Variants in ALKBH1 observed in about 807,000 individuals in gnomAD.
ALKBH1 encodes nucleic acid dioxygenase ALKBH1.
In ALKBH1, 31 loss-of-function variants were observed where a neutral mutation model predicts 36.6. The observed-to-expected ratio is 0.85, with a 90% CI of 0.64 to 1.14. The LOEUF is 1.14. ALKBH1 is among the 50% of genes most tolerant of loss of function. The pLI, the probability that ALKBH1 is intolerant of heterozygous loss-of-function variation, is 0.00. For missense variants in ALKBH1, 490 were observed against 497.3 expected (o/e 0.99, Z 0.14); for synonymous variants, 183 against 186.6 (o/e 0.98, Z 0.16).
chr14:77,704,328 G>T, intron 2 of ALKBH1, 41 bp downstream of exon 2: 1 of 1,373,000 alleles, frequency 7.3e-7, no homozygotes, highest in South Asian at 1.2e-5. Flanking sequence ...AGACATAAAT[G>T]ATTGAGTGAT....
chr14:77,704,255 T>G, intron 2 of ALKBH1, 114 bp downstream of exon 2: 1 of 779,294 alleles, frequency 1.3e-6, no homozygotes, highest in South Asian at 1.6e-5. Context: ...CATTTATCTG[T>G]TTATTATGTG....
chr14:77,696,952 T>C (rs1015580246), intron 2 of ALKBH1: 11 of 153,912 alleles, frequency 7.1e-5, no homozygotes, highest in South Asian at 3.8e-4. Flanking sequence ...GCATGACCCC[T>C]GGGTTCCAGG....
chr14:77,684,107 T>C (rs2080254385), intron 3 of ALKBH1: 1 of 152,264 alleles, frequency 6.6e-6, no homozygotes, highest in South Asian at 2.1e-4. Flanking sequence ...TTGCCGAGTG[T>C]TTCTCAAACT....
At chr14:77,675,993 C>A in intron 4 of ALKBH1, 144 bp from the exon 5 acceptor site, 15 of 685,002 alleles carry the variant, frequency 2.2e-5, no homozygotes, top group Non-Finnish European at 3.0e-5. Flanking sequence ...CCATTCTTTT[C>A]TTTTCTTTTT....
At chr14:77,683,488 ACT>A in intron 3 of ALKBH1, 1 of 705,284 alleles carries the variant, frequency 1.4e-6, no homozygotes, top group Non-Finnish European at 2.6e-6. Flanking sequence ...AACACTGTAG[ACT>A]CTTCCAGTTT....
At position 77,706,104 on chromosome 14, in the gene ALKBH1, C is replaced by CATATAT. The variant is rs72210300; in HGVS notation, c.184-1628_184-1627insATATAT. Among the ~76,000 whole-genome samples, 624 of 147,502 alleles carry CATATAT rather than the reference C, an allele frequency of 4.2e-3. 1 individual carries two copies. The highest frequency in any genetic ancestry group is 0.029 in the East Asian group (147 of 5,086). ...ATATACACACACATATATACACACA[C>CATATAT]ACATATATATATATATGAAACATTC... On this transcript the variant is annotated intron_variant, in intron 1 of 5. Transcript: ENST00000216489.
intron 2 of ALKBH1, 107 bp from the exon 3 acceptor site, chr14:77,695,007 A>G (rs182841241): frequency 0.016 from 15,810 of 998,270 alleles, 170 homozygotes; most frequent in Middle Eastern, 0.023. Flanking sequence ...TACTCCCCAT[A>G]TTTTTTTGGT....
Position 77,673,982 on chromosome 14 carries a change from AGTAG to A in ALKBH1, c.996_999del (p.Tyr333Ter). The A allele has an allele frequency of 6.2e-7, 1 of 1,614,192 alleles. No individual in the cohort carries two copies. The highest frequency in any genetic ancestry group is 8.5e-7 in the Non-Finnish European group (1 of 1,180,042). ...GTCATGTTAACACGAGCGGTCTTCAAGTAGCTGGCACACACCTGCCAGTCCTCCA... is the reference window on the plus strand; with the variant it reads ...GTCATGTTAACACGAGCGGTCTTCAACTGGCACACACCTGCCAGTCCTCCA... On this transcript the variant is annotated frameshift_variant, in exon 6 of 6. Transcript: ENST00000216489. LOFTEE classifies it high-confidence loss of function.
At chr14:77,686,566 T>C (rs2080269458) in intron 3 of ALKBH1, among the ~76,000 whole-genome samples, 1 of 152,218 alleles carries the variant, frequency 6.6e-6, no homozygotes, top group Non-Finnish European at 1.5e-5. Flanking sequence ...CATACAGCAG[T>C]TTGCTTGGTT....
intron 4 of ALKBH1, among the ~76,000 whole-genome samples, chr14:77,678,383 G>C (rs2080217676): frequency 6.6e-6 from 1 of 152,118 alleles, no homozygotes; most frequent in Non-Finnish European, 1.5e-5. Flanking sequence ...ATCATTTGGA[G>C]CAGTTAATGT....
At chr14:77,683,085 C>G (rs2080247132) in intron 3 of ALKBH1, 1 of 475,214 alleles carries the variant, frequency 2.1e-6, no homozygotes, top group Non-Finnish European at 3.8e-6. Flanking sequence ...CTCCTTACCT[C>G]AAGCAATCCT....
At chr14:77,679,075 C>T (rs2080222391) in intron 4 of ALKBH1, among the ~76,000 whole-genome samples, 1 of 151,980 alleles carries the variant, frequency 6.6e-6, no homozygotes, top group Non-Finnish European at 1.5e-5. Flanking sequence ...CCTCAGCCAC[C>T]CAAAGTGCTT....
chr14:77,677,701 T>C (rs533554794), intron 4 of ALKBH1, among the ~76,000 whole-genome samples: 1 of 152,308 alleles, frequency 6.6e-6, no homozygotes, highest in East Asian at 1.9e-4. Flanking sequence ...CAGTTGGAAC[T>C]TTTCTGTTTT....
chr14:77,694,980 C>T (rs562301445), intron 2 of ALKBH1, 80 bp from the exon 3 acceptor site: 1 of 1,226,632 alleles, frequency 8.2e-7, no homozygotes, highest in Non-Finnish European at 1.1e-6. Context: ...CATCTTTATA[C>T]TCACTATTTT....
At chr14:77,691,401 G>A (rs1254783857) in intron 3 of ALKBH1, among the ~76,000 whole-genome samples, 2 of 152,082 alleles carry the variant, frequency 1.3e-5, no homozygotes, top group Admixed American at 1.3e-4. Context: ...ATCTCCAGGG[G>A]AACTGTTTTG....
At chr14:77,680,629 C>T (rs1390478196) in intron 3 of ALKBH1, among the ~76,000 whole-genome samples, 2 of 149,176 alleles carry the variant, frequency 1.3e-5, no homozygotes, top group Non-Finnish European at 3.0e-5. Context: ...GAGACGTGCT[C>T]TTTCTGCAAT....
At chr14:77,681,474 T>C (rs909074134) in intron 3 of ALKBH1, among the ~76,000 whole-genome samples, 3 of 152,212 alleles carry the variant, frequency 2.0e-5, no homozygotes, top group African/African-American at 2.4e-5. Flanking sequence ...ATCTTGATGT[T>C]TGACGAAGAG....
At chr14:77,681,283 A>C (rs1460576461) in intron 3 of ALKBH1, among the ~76,000 whole-genome samples, 1 of 152,200 alleles carries the variant, frequency 6.6e-6, no homozygotes, top group Non-Finnish European at 1.5e-5. Flanking sequence ...GAGAATTAAG[A>C]AAAAGGAGAG....
intron 4 of ALKBH1, among the ~76,000 whole-genome samples, chr14:77,679,335 T>C (rs1227893944): frequency 1.5e-4 from 23 of 152,214 alleles, no homozygotes; most frequent in Admixed American, 1.5e-3. Flanking sequence ...AGAACTGCTC[T>C]TGAAAAGAGT....
Sources: allele counts gnomAD v4.1 joint callset (sites outside exome capture counted in the v4.1 genomes callset), GRCh38; gene constraint gnomAD v4.1.1; transcripts MANE v1.5; gene names NCBI Gene and HGNC (gene_info 2026-07-23, HGNC 2026-07-21).